The following CACNA2D3 variants were observed in gnomAD, a reference collection of about 807,000 sequenced individuals.
CACNA2D3 encodes the protein calcium voltage-gated channel auxiliary subunit alpha2delta 3, also known as voltage-dependent calcium channel subunit alpha-2/delta-3.
Under a neutral mutation model 160.6 loss-of-function variants are expected in CACNA2D3, and 60 were observed. The observed-to-expected ratio is 0.37, with a 90% confidence interval of 0.30 to 0.46. CACNA2D3 has a LOEUF of 0.46. Ranked by LOEUF, CACNA2D3 falls within the 20% of genes least tolerant of loss-of-function variation. The pLI is 1.00. For missense variants in CACNA2D3, 1,205 were observed against 1,365.0 expected (o/e 0.88, Z 1.85); for synonymous variants, 558 against 492.9 (o/e 1.13, Z -1.75).
intron 14 of CACNA2D3, among the ~76,000 whole-genome samples, chr3:54,835,732 G>T (rs1209812555): frequency 6.6e-6 from 1 of 152,212 alleles, no homozygotes; most frequent in Non-Finnish European, 1.5e-5. Flanking sequence ...CTTGGGGCTT[G>T]AACAGGCTAC....
chr3:54,630,486 ATCC>A (rs1352061214), intron 10 of CACNA2D3, among the ~76,000 whole-genome samples: 1 of 152,156 alleles, frequency 6.6e-6, no homozygotes, highest in Non-Finnish European at 1.5e-5. Context: ...AGGAGATGCC[ATCC>A]TCCTCTTGCA....
intron 4 of CACNA2D3, among the ~76,000 whole-genome samples, chr3:54,390,311 G>A (rs1256786212): frequency 6.6e-6 from 1 of 152,162 alleles, no homozygotes; most frequent in East Asian, 1.9e-4. Flanking sequence ...TTCTGGTGTA[G>A]CACAAGCAAT....
intron 11 of CACNA2D3, among the ~76,000 whole-genome samples, chr3:54,664,077 C>T (rs1044458878): frequency 6.6e-6 from 1 of 152,232 alleles, no homozygotes; most frequent in Non-Finnish European, 1.5e-5. Context: ...TTCATTAACT[C>T]CAGCTGTGCT....
chr3:54,203,195 T>C (rs1225513968), intron 2 of CACNA2D3, among the ~76,000 whole-genome samples: 10 of 152,172 alleles, frequency 6.6e-5, no homozygotes, highest in Non-Finnish European at 1.3e-4. Flanking sequence ...GTGGGCACCA[T>C]CCAATCCTTT....
intron 2 of CACNA2D3, among the ~76,000 whole-genome samples, chr3:54,136,674 G>A (rs904258338): frequency 6.6e-5 from 10 of 152,164 alleles, no homozygotes; most frequent in African/African-American, 2.2e-4. Context: ...CCGTGCCATT[G>A]CCCTGTTTAT....
intron 3 of CACNA2D3, among the ~76,000 whole-genome samples, chr3:54,381,011 A>G (rs1575424556): frequency 1.3e-5 from 2 of 152,166 alleles, no homozygotes; most frequent in East Asian, 3.9e-4. Context: ...CTTAAACCTT[A>G]TTTGAGAAAG....
chr3:54,682,078 CAT>C (rs543597984), intron 11 of CACNA2D3, among the ~76,000 whole-genome samples: 1 of 151,790 alleles, frequency 6.6e-6, no homozygotes, highest in Non-Finnish European at 1.5e-5. Flanking sequence ...GAATTTGAAT[CAT>C]GTGTGCGTGA....
At chr3:54,800,024 T>C (rs1453005789) in intron 13 of CACNA2D3, among the ~76,000 whole-genome samples, 1 of 152,204 alleles carries the variant, frequency 6.6e-6, no homozygotes, top group Non-Finnish European at 1.5e-5. Context: ...TGAAACATTT[T>C]TTTGCAAATT....
chr3:54,900,098 A>C (rs544323085), intron 27 of CACNA2D3, among the ~76,000 whole-genome samples: 1 of 151,952 alleles, frequency 6.6e-6, no homozygotes, highest in Non-Finnish European at 1.5e-5. Context: ...CTATCCTTAA[A>C]CTCTGAGCCA....
At chr3:54,566,038 A>G (rs1481649602) in intron 6 of CACNA2D3, among the ~76,000 whole-genome samples, 1 of 152,198 alleles carries the variant, frequency 6.6e-6, no homozygotes, top group East Asian at 1.9e-4. Flanking sequence ...AAACTCCACC[A>G]GATCTGTTGT....
At chr3:54,131,270 G>A (rs1275070502) in intron 2 of CACNA2D3, among the ~76,000 whole-genome samples, 1 of 152,226 alleles carries the variant, frequency 6.6e-6, no homozygotes, top group Non-Finnish European at 1.5e-5. Context: ...CAGAGCAGGA[G>A]GAAGGCTGCA....
At chr3:54,323,668 G>A (rs1704060398) in intron 3 of CACNA2D3, among the ~76,000 whole-genome samples, 1 of 151,962 alleles carries the variant, frequency 6.6e-6, no homozygotes, top group Admixed American at 6.6e-5. Context: ...GGGTTTCACT[G>A]TGTTAGCCAG....
At chr3:54,526,950 C>T (rs560032286) in intron 5 of CACNA2D3, among the ~76,000 whole-genome samples, 11 of 152,330 alleles carry the variant, frequency 7.2e-5, no homozygotes, top group South Asian at 4.1e-4. Flanking sequence ...CTCAGCCTCC[C>T]GAAGTGCTGG....
At chr3:54,197,752 T>G (rs1001445137) in intron 2 of CACNA2D3, among the ~76,000 whole-genome samples, 2 of 152,224 alleles carry the variant, frequency 1.3e-5, no homozygotes, top group Non-Finnish European at 2.9e-5. Flanking sequence ...TGTGAGCTGT[T>G]ACAGTCTGTG....
At chr3:54,217,097 C>T (rs947161786) in intron 2 of CACNA2D3, among the ~76,000 whole-genome samples, 5 of 152,132 alleles carry the variant, frequency 3.3e-5, no homozygotes, top group African/African-American at 1.2e-4. Flanking sequence ...CCCAGGTGAA[C>T]AGTGAGCAAG....
intron 35 of CACNA2D3, among the ~76,000 whole-genome samples, chr3:55,053,394 GTA>G (rs1704278177): frequency 6.6e-6 from 1 of 151,944 alleles, no homozygotes; most frequent in African/African-American, 2.4e-5. Flanking sequence ...AAGGAAATCA[GTA>G]TAGATAGAAC....
intron 11 of CACNA2D3, among the ~76,000 whole-genome samples, chr3:54,743,103 A>C (rs1701686123): frequency 6.6e-6 from 1 of 152,202 alleles, no homozygotes; most frequent in South Asian, 2.1e-4. Flanking sequence ...ACTTCCCTTA[A>C]TTTCCCAAAT....
intron 4 of CACNA2D3, among the ~76,000 whole-genome samples, chr3:54,467,621 C>A (rs1320458727): frequency 6.6e-6 from 1 of 152,012 alleles, no homozygotes; most frequent in Non-Finnish European, 1.5e-5. Flanking sequence ...TGAAATAAGC[C>A]AGGCACATAA....
intron 13 of CACNA2D3, among the ~76,000 whole-genome samples, chr3:54,796,926 G>C (rs1364722097): frequency 6.6e-6 from 1 of 152,222 alleles, no homozygotes; most frequent in Non-Finnish European, 1.5e-5. Context: ...AGCTGTATCA[G>C]CTGTTTTCAA....
Sources: gnomAD v4.1 joint callset for allele counts (sites outside exome capture counted in the v4.1 genomes callset) on GRCh38, gnomAD v4.1.1 for gene constraint, MANE v1.5 for transcripts, NCBI Gene and HGNC (gene_info 2026-07-23, HGNC 2026-07-21) for gene names.